The following TRPM3 variants were observed in gnomAD, a reference collection of about 807,000 sequenced individuals.
TRPM3 encodes the protein transient receptor potential cation channel subfamily M member 3.
Under a neutral mutation model 181.2 loss-of-function variants are expected in TRPM3, and 77 were observed. The observed-to-expected ratio is 0.42, with a 90% CI of 0.35 to 0.51. TRPM3 has a LOEUF of 0.51. TRPM3 is among the 20% of genes least tolerant of loss of function. The probability of loss-of-function intolerance (pLI) is 0.01; values close to 1 mark genes in which losing one functional copy is unlikely to be tolerated. For synonymous variants in TRPM3, 745 were observed against 796.4 expected, an observed-to-expected ratio of 0.94 and a Z score of 1.09; for missense variants, 1,759 against 2,196.7, an observed-to-expected ratio of 0.80 and a Z score of 3.98.
chr9:71,067,675 G>A (rs2133462648), intron 1 of TRPM3, among the ~76,000 whole-genome samples: 1 of 152,290 alleles, frequency 6.6e-6, no homozygotes, highest in African/African-American at 2.4e-5. Context: ...TAGGACAGTG[G>A]TTAGCATAAA....
In TRPM3 at chr9:70,530,469, C is replaced by T. The variant is rs1222993763; in HGVS notation, c.*5484G>A. 6.6e-6 allele frequency: 1 copy of T among 152,208 alleles called. No homozygotes were observed. The highest frequency in any genetic ancestry group is 2.1e-4 in the South Asian group (1 of 4,822). The allele number at this position is 152,208 out of a possible 1,614,324, so 9.4% of individuals were successfully genotyped here. On this transcript the variant is annotated 3_prime_UTR_variant, in exon 26 of 26. Coordinates refer to ENST00000677713, the MANE Select transcript of TRPM3 (RefSeq NM_001366145.2). Reference sequence around the variant, plus strand: ...AGCCATACACATGTCTTTTCAGTTTCCAGCACACAAACATTGTGCAAACGC... The same window carrying T: ...AGCCATACACATGTCTTTTCAGTTTTCAGCACACAAACATTGTGCAAACGC...
chr9:71,246,603 T>C (rs12344426), intron 1 of TRPM3, among the ~76,000 whole-genome samples: 41,003 of 152,180 alleles, frequency 0.27, 6,057 homozygotes, highest in Middle Eastern at 0.46. Flanking sequence ...TGGCCCTGTT[T>C]AATAGCCCTT....
At chr9:71,026,815 C>T (rs747256744) in intron 1 of TRPM3, among the ~76,000 whole-genome samples, 13 of 152,144 alleles carry the variant, frequency 8.5e-5, no homozygotes, top group African/African-American at 2.2e-4. Flanking sequence ...ATCAGTGTCC[C>T]GCCATCATTC....
At chr9:71,286,302 AG>A (rs2085274139) in intron 1 of TRPM3, among the ~76,000 whole-genome samples, 1 of 152,158 alleles carries the variant, frequency 6.6e-6, no homozygotes, top group South Asian at 2.1e-4. Flanking sequence ...AAACCGGGGG[AG>A]GGCATGTAAT....
chr9:71,009,118 T>C (rs936876604), intron 1 of TRPM3, among the ~76,000 whole-genome samples: 4 of 152,186 alleles, frequency 2.6e-5, no homozygotes, highest in African/African-American at 9.7e-5. Context: ...CAGTTATAAA[T>C]GGGAGAAAGT....
intron 1 of TRPM3, among the ~76,000 whole-genome samples, chr9:71,397,931 T>C (rs2093239605): frequency 6.6e-6 from 1 of 152,168 alleles, no homozygotes; most frequent in South Asian, 2.1e-4. Context: ...CAAGCCAAAC[T>C]CTTACTCAAA....
chr9:71,332,377 GT>G (rs1433872335), intron 1 of TRPM3, among the ~76,000 whole-genome samples: 11 of 42,974 alleles, frequency 2.6e-4, no homozygotes, highest in African/African-American at 1.6e-3. Context: ...TCAATGTTGG[GT>G]GTGTGTGTGT....
At chr9:71,356,365 T>TA (rs1427683550) in intron 1 of TRPM3, among the ~76,000 whole-genome samples, 1 of 152,052 alleles carries the variant, frequency 6.6e-6, no homozygotes, top group Non-Finnish European at 1.5e-5. Flanking sequence ...TGTTTCCCTG[T>TA]ATGCATCCAG....
At chr9:70,808,878 G>A (rs957989632) in intron 6 of TRPM3, among the ~76,000 whole-genome samples, 1 of 152,152 alleles carries the variant, frequency 6.6e-6, no homozygotes, top group African/African-American at 2.4e-5. Flanking sequence ...CCCACAGAAG[G>A]AAATAAGATG....
intron 8 of TRPM3, among the ~76,000 whole-genome samples, chr9:70,691,456 T>C (rs2068522550): frequency 6.6e-6 from 1 of 152,236 alleles, no homozygotes; most frequent in African/African-American, 2.4e-5. Context: ...AAGTAGGAGA[T>C]TGTCTTATAG....
chr9:71,222,655 T>A (rs1189082624), intron 1 of TRPM3, among the ~76,000 whole-genome samples: 5 of 152,198 alleles, frequency 3.3e-5, no homozygotes, highest in Non-Finnish European at 7.3e-5. Context: ...AAAGAGGGAC[T>A]GAAGAGGGTG....
In TRPM3 at chr9:70,783,029, G is replaced by C. The variant is rs143924049; in HGVS notation, c.1148+1076C>G. Among the ~76,000 whole-genome samples, 17 of 152,220 alleles carry C rather than the reference G, an allele frequency of 1.1e-4. No individual in the cohort carries two copies. The East Asian group carries it at 3.3e-3, about 29-fold the overall frequency. Reference sequence around the variant, plus strand: ...AAATAAAGCAGGCTGGGTACAAGAGGGATGGGTACGAGAGGGATGGAGGAG... The same window carrying C: ...AAATAAAGCAGGCTGGGTACAAGAGCGATGGGTACGAGAGGGATGGAGGAG... On this transcript the variant is annotated intron_variant, in intron 7 of 25. Coordinates refer to ENST00000677713, the MANE Select transcript of TRPM3 (RefSeq NM_001366145.2).
In TRPM3 at chr9:71,320,302, A is replaced by G. The variant is rs558137153; in HGVS notation, c.183+126351T>C. Among the ~76,000 whole-genome samples the G allele has an allele frequency of 2.6e-5, 4 of 151,356 alleles. No individual in the cohort carries two copies. The South Asian group carries it at 8.3e-4, about 31-fold the overall frequency. ...TTCTTGCAATTCTGGTATTGCAAAC[A>G]TATTTGCAATGTTAATTAAAAAAAA... On this transcript the variant is annotated intron_variant, in intron 1 of 24. Coordinates refer to the TRPM3 transcript ENST00000357533.
At chr9:70,615,316 C>T (rs2062615058) in intron 18 of TRPM3, among the ~76,000 whole-genome samples, 1 of 152,226 alleles carries the variant, frequency 6.6e-6, no homozygotes, top group African/African-American at 2.4e-5. Flanking sequence ...GAGCCAGTGG[C>T]AGTCACGCTG....
At chr9:70,873,382 T>A (rs1299365757) in intron 1 of TRPM3, among the ~76,000 whole-genome samples, 1 of 151,978 alleles carries the variant, frequency 6.6e-6, no homozygotes, top group Non-Finnish European at 1.5e-5. Context: ...TACCAGTCAG[T>A]GGCTCTCCAT....
chr9:70,695,444 G>GCT (rs1229312978), intron 8 of TRPM3, among the ~76,000 whole-genome samples: 1 of 152,266 alleles, frequency 6.6e-6, no homozygotes, highest in East Asian at 1.9e-4. Flanking sequence ...TCCTGGTCAT[G>GCT]CTCTCTCTCC....
At chr9:70,749,943 TGAC>T (rs2075836209) in intron 8 of TRPM3, among the ~76,000 whole-genome samples, 1 of 152,214 alleles carries the variant, frequency 6.6e-6, no homozygotes, top group African/African-American at 2.4e-5. Flanking sequence ...TTCTCTTTCT[TGAC>T]AGTCACTGCA....
At chr9:70,880,145 G>A (rs896254959) in intron 1 of TRPM3, among the ~76,000 whole-genome samples, 1 of 152,054 alleles carries the variant, frequency 6.6e-6, no homozygotes, top group Admixed American at 6.6e-5. Flanking sequence ...AATATTTCAT[G>A]ATCTATGGAA....
At chr9:70,540,331 T>C (rs191062881) in intron 25 of TRPM3, among the ~76,000 whole-genome samples, 1 of 152,302 alleles carries the variant, frequency 6.6e-6, no homozygotes, top group Non-Finnish European at 1.5e-5. Context: ...TGGAGCCCAG[T>C]GTGTACAATG....
Sources: gnomAD v4.1 joint callset for allele counts (sites outside exome capture counted in the v4.1 genomes callset) on GRCh38, gnomAD v4.1.1 for gene constraint, MANE v1.5 for transcripts, NCBI Gene and HGNC (gene_info 2026-07-23, HGNC 2026-07-21) for gene names.